Variants in SBF2 observed in about 807,000 individuals in gnomAD.
SBF2 encodes the protein SET binding factor 2.
A neutral mutation model predicts 225.2 loss-of-function variants in SBF2; 112 were observed. That is an observed-to-expected ratio of 0.50 (90% CI 0.43 to 0.58). SBF2 has a LOEUF of 0.58. SBF2 is among the 20% of genes least tolerant of loss of function. The pLI is 0.00. For synonymous variants in SBF2, 763 were observed against 773.3 expected, an observed-to-expected ratio of 0.99 and a Z score of 0.22; for missense variants, 1,996 against 2,206.2, an observed-to-expected ratio of 0.90 and a Z score of 1.91.
intron 1 of SBF2, among the ~76,000 whole-genome samples, chr11:10,285,320 G>A (rs2135570407): frequency 6.6e-6 from 1 of 151,424 alleles, no homozygotes; most frequent in Non-Finnish European, 1.5e-5. Context: ...AGGAAAAAGA[G>A]AAGGGAAGGC....
chr11:9,780,847 T>A (rs1389620933), intron 39 of SBF2: 1 of 356,826 alleles, frequency 2.8e-6, no homozygotes, highest in Admixed American at 3.8e-5. Context: ...ACCAATGCAC[T>A]GAAGGTGAGG....
intron 16 of SBF2, among the ~76,000 whole-genome samples, chr11:9,932,204 T>A (rs575010292): frequency 6.6e-6 from 1 of 152,118 alleles, no homozygotes; most frequent in Non-Finnish European, 1.5e-5. Context: ...TGGAAAACAC[T>A]CTTCAGGATA....
chr11:9,963,984 C>T (rs1417510139), intron 14 of SBF2, 102 bp from the exon 15 acceptor site: 1 of 714,694 alleles, frequency 1.4e-6, no homozygotes, highest in East Asian at 2.7e-5. Flanking sequence ...GGCGTGGAGG[C>T]TCACACCCGT....
At chr11:10,053,906 T>G (rs929320366) in intron 2 of SBF2, among the ~76,000 whole-genome samples, 4 of 150,520 alleles carry the variant, frequency 2.7e-5, no homozygotes, top group Non-Finnish European at 5.9e-5. Context: ...GGTGACAGAG[T>G]GAGATTCTGT....
chr11:9,903,980 G>A (rs1861931708), intron 16 of SBF2, among the ~76,000 whole-genome samples: 1 of 152,116 alleles, frequency 6.6e-6, no homozygotes, highest in Non-Finnish European at 1.5e-5. Context: ...TCTCCCTGGT[G>A]CCAGCTGCCA....
intron 17 of SBF2, among the ~76,000 whole-genome samples, chr11:9,872,933 G>A (rs149096682): frequency 1.3e-5 from 2 of 152,236 alleles, no homozygotes; most frequent in East Asian, 3.9e-4. Context: ...CTCTGTTTTT[G>A]TAATAAACTG....
chr11:10,181,068 A>C (rs1185097381), intron 2 of SBF2, among the ~76,000 whole-genome samples: 1 of 152,088 alleles, frequency 6.6e-6, no homozygotes, highest in Non-Finnish European at 1.5e-5. Context: ...TTAATGTTAA[A>C]ATGCTTTTTC....
intron 29 of SBF2, among the ~76,000 whole-genome samples, chr11:9,813,445 A>G (rs1188901354): frequency 6.6e-6 from 1 of 152,066 alleles, no homozygotes; most frequent in Non-Finnish European, 1.5e-5. Context: ...CTCCTGCCTC[A>G]GCCTCCCGAG....
intron 17 of SBF2, among the ~76,000 whole-genome samples, chr11:9,885,136 A>G (rs1341336592): frequency 6.6e-6 from 1 of 151,150 alleles, no homozygotes; most frequent in East Asian, 2.0e-4. Flanking sequence ...CTATAATCCC[A>G]GCTACTCAGG....
chr11:10,036,915 G>C (rs1949458751), intron 3 of SBF2, among the ~76,000 whole-genome samples: 1 of 152,146 alleles, frequency 6.6e-6, no homozygotes, highest in African/African-American at 2.4e-5. Context: ...TCTCACTGCA[G>C]CCCTTCCTAG....
intron 13 of SBF2, among the ~76,000 whole-genome samples, chr11:9,968,840 A>C (rs77182089): frequency 6.6e-6 from 1 of 152,082 alleles, no homozygotes; most frequent in African/African-American, 2.4e-5. Flanking sequence ...AACAATGTGA[A>C]TATCTCAGGG....
intron 2 of SBF2, among the ~76,000 whole-genome samples, chr11:10,139,854 T>C (rs1954560376): frequency 6.6e-6 from 1 of 152,198 alleles, no homozygotes; most frequent in Non-Finnish European, 1.5e-5. Context: ...CATTCCTGTG[T>C]GGCTACTGGC....
chr11:9,979,717 T>C (rs1255518079), intron 13 of SBF2, among the ~76,000 whole-genome samples: 1 of 152,156 alleles, frequency 6.6e-6, no homozygotes, highest in Admixed American at 6.6e-5. Context: ...AATCTGAAAA[T>C]ATTGCTTCTT....
chr11:10,280,983 C>T (rs757490136), intron 1 of SBF2, among the ~76,000 whole-genome samples: 5 of 152,186 alleles, frequency 3.3e-5, no homozygotes, highest in Non-Finnish European at 7.3e-5. Context: ...TGATCGCTAT[C>T]TGCCACACCT....
intron 2 of SBF2, among the ~76,000 whole-genome samples, chr11:10,092,744 T>TA (rs988702090): frequency 3.9e-5 from 6 of 152,192 alleles, no homozygotes; most frequent in African/African-American, 1.2e-4. Flanking sequence ...GGATGACACA[T>TA]ACACACGCAT....
At chr11:9,783,761 C>T (rs138539073) in intron 38 of SBF2, among the ~76,000 whole-genome samples, 147 of 152,326 alleles carry the variant, frequency 9.7e-4, no homozygotes, top group African/African-American at 3.1e-3. Flanking sequence ...TTTGGGTGGG[C>T]ACATCCCCTT....
chr11:10,269,712 C>T (rs1962311237), intron 1 of SBF2, among the ~76,000 whole-genome samples: 1 of 152,190 alleles, frequency 6.6e-6, no homozygotes, highest in Admixed American at 6.5e-5. Flanking sequence ...GCCAGAACTA[C>T]TAGGAGGCAA....
At chr11:9,979,080 G>T (rs1043180307) in intron 13 of SBF2, among the ~76,000 whole-genome samples, 2 of 152,196 alleles carry the variant, frequency 1.3e-5, no homozygotes, top group African/African-American at 4.8e-5. Context: ...GCCTTATAGT[G>T]AAAGAACATA....
intron 26 of SBF2, among the ~76,000 whole-genome samples, chr11:9,837,069 T>A (rs557128081): frequency 1.3e-5 from 2 of 152,354 alleles, no homozygotes; most frequent in South Asian, 4.1e-4. Context: ...TCAATTTTTA[T>A]ACCTTTTATT....
Sources: gnomAD v4.1 joint callset for allele counts (sites outside exome capture counted in the v4.1 genomes callset) on GRCh38, gnomAD v4.1.1 for gene constraint, MANE v1.5 for transcripts, NCBI Gene and HGNC (gene_info 2026-07-23, HGNC 2026-07-21) for gene names.